Variants in SHROOM3 observed in about 807,000 individuals in gnomAD.
SHROOM3 encodes protein Shroom3.
A neutral mutation model predicts 138.6 loss-of-function variants in SHROOM3; 47 were observed. That is an observed-to-expected ratio of 0.34 (90% confidence interval 0.27 to 0.43). The LOEUF is 0.43. SHROOM3 is among the 20% of genes least tolerant of loss of function. SHROOM3 has a pLI of 1.00. For missense variants in SHROOM3, 2,491 were observed against 2,596.5 expected (o/e 0.96, Z 0.88); for synonymous variants, 1,062 against 1,063.3 (o/e 1.00, Z 0.02).
At chr4:76,687,948 C>CCG (rs1179468145) in intron 2 of SHROOM3, among the ~76,000 whole-genome samples, 1 of 152,180 alleles carries the variant, frequency 6.6e-6, no homozygotes, top group African/African-American at 2.4e-5. Flanking sequence ...CACAGAGCTC[C>CCG]TGGCTGTGTT....
intron 2 of SHROOM3, among the ~76,000 whole-genome samples, chr4:76,623,253 A>T (rs976156612): frequency 2.6e-5 from 4 of 152,162 alleles, no homozygotes; most frequent in Non-Finnish European, 4.4e-5. Flanking sequence ...GTGGGCAACA[A>T]TGCAAAAAGT....
At chr4:76,701,508 C>T (rs1018801897) in intron 2 of SHROOM3, among the ~76,000 whole-genome samples, 5 of 152,072 alleles carry the variant, frequency 3.3e-5, no homozygotes, top group African/African-American at 1.2e-4. Flanking sequence ...GCTTTACTTG[C>T]CTTTTAGGAT....
intron 2 of SHROOM3, among the ~76,000 whole-genome samples, chr4:76,707,926 G>A (rs773843586): frequency 2.6e-5 from 4 of 152,150 alleles, no homozygotes; most frequent in Non-Finnish European, 5.9e-5. Context: ...TTTGTGTGGT[G>A]CATCCAGACA....
intron 2 of SHROOM3, among the ~76,000 whole-genome samples, chr4:76,580,918 T>C (rs556912338): frequency 7.2e-5 from 11 of 152,230 alleles, no homozygotes; most frequent in Non-Finnish European, 1.5e-4. Flanking sequence ...TATGTGCTTC[T>C]ACCTTTCCAC....
chr4:76,779,469 T>G lies in SHROOM3; in HGVS notation c.*292T>G, dbSNP rs563112806. On this transcript the variant is annotated 3_prime_UTR_variant, in exon 11 of 11. Coordinates refer to ENST00000296043, the MANE Select transcript of SHROOM3 (RefSeq NM_020859.4). ...TGGAGGGTGTTTGATCATTTAGTTT[T>G]TAACAGGCTGAGGCAACATGGATCA... 5.8e-6 allele frequency: 2 copies of G among 342,236 alleles called. No homozygotes were observed. Among genetic ancestry groups the G allele is most frequent in the South Asian group, 3.3e-5 (1 of 30,270 alleles). 21.2% of individuals were successfully genotyped at this position (342,236 alleles called of 1,614,324 possible).
chr4:76,552,083 G>A lies in SHROOM3; in HGVS notation c.169-3526G>A, dbSNP rs570360159. On this transcript the variant is annotated intron_variant, in intron 1 of 10. Transcript: ENST00000296043. ...TCACCGTGTTAGCCAGGATGGACTC[G>A]ATCTCCTGACCTTGTGATCCGCCCG... is the stretch of plus-strand genomic sequence containing the variant. 2.1e-3 allele frequency among the ~76,000 whole-genome samples: 317 copies of A among 149,884 alleles called. 3 individuals carry two copies. Among genetic ancestry groups the A allele is most frequent in the Non-Finnish European group, 2.4e-3 (163 of 67,388 alleles).
At chr4:76,521,299 CAT>C (rs1206474640) in intron 1 of SHROOM3, among the ~76,000 whole-genome samples, 1 of 152,026 alleles carries the variant, frequency 6.6e-6, no homozygotes, top group Non-Finnish European at 1.5e-5. Flanking sequence ...TGTGTGCGCA[CAT>C]ATGTGTGTGT....
intron 1 of SHROOM3, among the ~76,000 whole-genome samples, chr4:76,450,587 A>G (rs1730906651): frequency 6.6e-6 from 1 of 152,222 alleles, no homozygotes; most frequent in African/African-American, 2.4e-5. Flanking sequence ...TGAACTTTGA[A>G]AATATTATGC....
intron 1 of SHROOM3, among the ~76,000 whole-genome samples, chr4:76,436,552 G>T (rs1400576385): frequency 6.6e-6 from 1 of 152,140 alleles, no homozygotes; most frequent in African/African-American, 2.4e-5. Context: ...TGGTGGCATG[G>T]TATATATTTG....
At chr4:76,566,279 C>T (rs184102154) in intron 2 of SHROOM3, among the ~76,000 whole-genome samples, 2 of 151,912 alleles carry the variant, frequency 1.3e-5, no homozygotes, top group East Asian at 3.9e-4. Flanking sequence ...TTAAAGTATA[C>T]AGGAGGAAGT....
At chr4:76,689,539 G>A (rs557164074) in intron 2 of SHROOM3, 3 of 984,152 alleles carry the variant, frequency 3.0e-6, no homozygotes, top group South Asian at 4.7e-5. Context: ...CGGCGCGGTG[G>A]CGCGGTGGCG....
At chr4:76,688,847 A>G in intron 2 of SHROOM3, 2 of 985,242 alleles carry the variant, frequency 2.0e-6, no homozygotes, top group Non-Finnish European at 2.4e-6. Context: ...AAACAAAAAC[A>G]GGCCCGGAAG....
At position 76,740,457 on chromosome 4, in the gene SHROOM3, G is replaced by T; in HGVS notation, c.2284G>T (p.Gly762Cys). Residue 762 changes from glycine (G) to cysteine (C), a missense_variant, in exon 5 of 11, where the codon GGC (glycine) becomes TGC (cysteine). Physicochemically the swap from Gly to Cys is radical, Grantham distance 159. Coordinates refer to ENST00000296043, the MANE Select transcript of SHROOM3 (RefSeq NM_020859.4). This position sits in a 1 kb window ranked among gnomAD's most constrained non-coding sequence, Gnocchi z 4.0. Reference protein sequence around the residue: ...HTSSLGRRGPGPGSASALQGF... With the variant: ...HTSSLGRRGPCPGSASALQGF... ...ATCCAGTCTGGGCCGGAGGGGGCCC[G>T]GCCCAGGCAGCGCCTCGGCTCTTCA... 1.2e-6 allele frequency: 2 copies of T among 1,611,448 alleles called. No homozygotes were observed. The highest frequency in any genetic ancestry group is 1.7e-6 in the Non-Finnish European group (2 of 1,178,538).
chr4:76,552,053 G>C (rs1451291578), intron 1 of SHROOM3, among the ~76,000 whole-genome samples: 1 of 147,800 alleles, frequency 6.8e-6, no homozygotes, highest in Non-Finnish European at 1.5e-5. Context: ...AGTAGAGACG[G>C]GGTTTCACCG....
intron 2 of SHROOM3, among the ~76,000 whole-genome samples, chr4:76,620,366 C>T (rs1057364617): frequency 1.7e-4 from 26 of 152,214 alleles, no homozygotes; most frequent in African/African-American, 6.0e-4. Flanking sequence ...CGGGAATTAT[C>T]TACATAGAGG....
intron 5 of SHROOM3, among the ~76,000 whole-genome samples, chr4:76,747,620 C>G (rs923499443): frequency 1.3e-5 from 2 of 152,082 alleles, no homozygotes; most frequent in Non-Finnish European, 2.9e-5. Flanking sequence ...CTGGGTTAGG[C>G]GCTCACATGG....
At chr4:76,657,511 A>G (rs909348909) in intron 2 of SHROOM3, among the ~76,000 whole-genome samples, 2 of 152,144 alleles carry the variant, frequency 1.3e-5, no homozygotes, top group African/African-American at 4.8e-5. Flanking sequence ...ATGCCTGCTC[A>G]TTACTAGCGC....
chr4:76,567,158 C>T (rs1733742319), intron 2 of SHROOM3, among the ~76,000 whole-genome samples: 1 of 152,150 alleles, frequency 6.6e-6, no homozygotes, highest in Admixed American at 6.5e-5. Flanking sequence ...GGGACAGTTG[C>T]TTGGTTAGTG....
chr4:76,438,825 G>A (rs949238660), intron 1 of SHROOM3, among the ~76,000 whole-genome samples: 5 of 151,956 alleles, frequency 3.3e-5, no homozygotes, highest in Non-Finnish European at 7.4e-5. Context: ...AAAGGGCATG[G>A]CTGTGTCTTA....
Sources: allele counts gnomAD v4.1 joint callset (sites outside exome capture counted in the v4.1 genomes callset), GRCh38; gene constraint gnomAD v4.1.1; non-coding constraint Gnocchi (gnomAD v3.1); transcripts MANE v1.5; gene names NCBI Gene and HGNC (gene_info 2026-07-23, HGNC 2026-07-21).